Variants in FHAD1 observed in about 807,000 individuals in gnomAD.
The protein encoded by FHAD1 is forkhead-associated domain-containing protein 1.
Under a neutral mutation model 191.3 loss-of-function variants are expected in FHAD1, and 146 were observed. The ratio of observed to expected loss-of-function variants is 0.76; its 90% confidence interval spans 0.67 to 0.88. The LOEUF (loss-of-function observed/expected upper bound fraction) is 0.88, where lower values mean the gene tolerates loss of function less well. Ranked by LOEUF, FHAD1 falls within the 40% of genes least tolerant of loss-of-function variation. The pLI is 0.00. For missense variants in FHAD1, 1,635 were observed against 1,785.8 expected, an observed-to-expected ratio of 0.92 and a Z score of 1.52; for synonymous variants, 616 against 672.3, an observed-to-expected ratio of 0.92 and a Z score of 1.29.
intron 3 of FHAD1, among the ~76,000 whole-genome samples, chr1:15,279,871 A>C (rs1366020893): frequency 3.3e-5 from 5 of 152,076 alleles, no homozygotes; most frequent in Non-Finnish European, 7.4e-5. Context: ...CAGGAGATGG[A>C]TGCAATGTAG....
Position 15,308,741 on chromosome 1 carries a change from G to A in FHAD1, c.1039+5G>A, listed in dbSNP as rs1221010784. ...GAGACAACGCTATCACATCAGGTGA[G>A]CCCTTGGAGTCGGGCCTGGGAGCTG... On this transcript the variant is annotated splice_donor_5th_base_variant and intron_variant, in intron 7 of 33. Coordinates refer to ENST00000688493, the MANE Select transcript of FHAD1 (RefSeq NM_001391957.1). 19 of 1,551,536 alleles carry A rather than the reference G, an allele frequency of 1.2e-5. No homozygotes were observed. The highest frequency in any genetic ancestry group is 1.7e-5 in the Non-Finnish European group (19 of 1,146,950).
At chr1:15,342,403 G>T (rs1271841495) in intron 16 of FHAD1, among the ~76,000 whole-genome samples, 4 of 152,174 alleles carry the variant, frequency 2.6e-5, no homozygotes, top group Non-Finnish European at 5.9e-5. Context: ...TGCAGATTCT[G>T]TCTCAGCAGG....
intron 26 of FHAD1, among the ~76,000 whole-genome samples, chr1:15,371,619 C>A (rs1293564257): frequency 6.6e-6 from 1 of 152,186 alleles, no homozygotes; most frequent in Non-Finnish European, 1.5e-5. Context: ...CCCTGTGCCC[C>A]CAAAACTCAG....
intron 19 of FHAD1, among the ~76,000 whole-genome samples, chr1:15,351,204 G>A (rs1690729254): frequency 6.6e-6 from 1 of 152,132 alleles, no homozygotes; most frequent in African/African-American, 2.4e-5. Context: ...AATTAGCTGG[G>A]CCTGGTGGTG....
At chr1:15,301,535 A>G in intron 6 of FHAD1, 94 bp downstream of exon 6, 1 of 1,044,214 alleles carries the variant, frequency 9.6e-7, no homozygotes. Context: ...AGAGTTAGGG[A>G]ACGCGTGGTC....
intron 24 of FHAD1, among the ~76,000 whole-genome samples, chr1:15,366,177 T>G (rs1217082354): frequency 1.3e-5 from 2 of 148,204 alleles, no homozygotes; most frequent in African/African-American, 5.0e-5. Flanking sequence ...TCCCAGCTAC[T>G]CAGGAGGCTG....
chr1:15,393,700 T>A (rs1704986584), intron 33 of FHAD1, among the ~76,000 whole-genome samples: 1 of 149,906 alleles, frequency 6.7e-6, no homozygotes, highest in Non-Finnish European at 1.5e-5. Flanking sequence ...CTTCCCAGGC[T>A]CAAGTGATCC....
intron 10 of FHAD1, among the ~76,000 whole-genome samples, chr1:15,320,668 A>G (rs1372949639): frequency 1.3e-5 from 2 of 152,202 alleles, no homozygotes; most frequent in African/African-American, 4.8e-5. Flanking sequence ...TCCATCAGAT[A>G]CACTAGCTTT....
At chr1:15,354,296 T>G (rs1051795359) in intron 20 of FHAD1, among the ~76,000 whole-genome samples, 1 of 152,204 alleles carries the variant, frequency 6.6e-6, no homozygotes. Context: ...CAAGTGGCGC[T>G]GATGCACTTT....
intron 3 of FHAD1, among the ~76,000 whole-genome samples, chr1:15,288,184 A>G (rs1226875237): frequency 6.6e-6 from 1 of 152,228 alleles, no homozygotes; most frequent in Non-Finnish European, 1.5e-5. Context: ...CTCACTTCTA[A>G]CAGGAATAAG....
chr1:15,345,743 G>A (rs755866139), intron 18 of FHAD1: 6 of 579,268 alleles, frequency 1.0e-5, no homozygotes, highest in Admixed American at 9.0e-5. Flanking sequence ...TGTAAACAGT[G>A]TAAAACACAG....
chr1:15,299,224 A>AGG (rs567497597), intron 5 of FHAD1, among the ~76,000 whole-genome samples: 2,854 of 147,098 alleles, frequency 0.019, 35 homozygotes, highest in Non-Finnish European at 0.03. Flanking sequence ...AAAAGGAAAA[A>AGG]AAAAAAAAGA....
At chr1:15,293,975 T>C (rs1666013217) in intron 4 of FHAD1, among the ~76,000 whole-genome samples, 1 of 152,124 alleles carries the variant, frequency 6.6e-6, no homozygotes, top group Non-Finnish European at 1.5e-5. Flanking sequence ...GCGTCACCAC[T>C]GCAGCCTCCC....
intron 21 of FHAD1, among the ~76,000 whole-genome samples, chr1:15,359,790 A>G (rs1199392137): frequency 2.6e-5 from 4 of 151,526 alleles, no homozygotes; most frequent in Non-Finnish European, 1.5e-5. Context: ...CTCTACTAAA[A>G]ATGCAAGAAA....
intron 26 of FHAD1, among the ~76,000 whole-genome samples, chr1:15,371,149 C>G (rs971559494): frequency 6.6e-6 from 1 of 152,178 alleles, no homozygotes; most frequent in Non-Finnish European, 1.5e-5. Flanking sequence ...CAGGCTCTTA[C>G]AGCAGAACCT....
chr1:15,314,564 C>G (rs1437903506), intron 8 of FHAD1: 1 of 152,028 alleles, frequency 6.6e-6, no homozygotes, highest in African/African-American at 2.4e-5. Context: ...CGAGCAGGGT[C>G]ACCGCCTGGA....
intron 1 of FHAD1, among the ~76,000 whole-genome samples, chr1:15,249,864 T>G (rs1017790058): frequency 6.6e-6 from 1 of 152,126 alleles, no homozygotes; most frequent in African/African-American, 2.4e-5. Flanking sequence ...CTGAGGATTA[T>G]GTAGTGGTGA....
chr1:15,272,917 C>CCCA (rs1169957970), intron 3 of FHAD1, among the ~76,000 whole-genome samples: 1 of 152,186 alleles, frequency 6.6e-6, no homozygotes, highest in Non-Finnish European at 1.5e-5. Flanking sequence ...TCTTCATATG[C>CCCA]CCAGGTCTCT....
At chr1:15,389,196 A>G (rs1006771319) in intron 32 of FHAD1, among the ~76,000 whole-genome samples, 1 of 152,156 alleles carries the variant, frequency 6.6e-6, no homozygotes, top group Non-Finnish European at 1.5e-5. Context: ...CTGTAATCCC[A>G]GAATTTGGGG....
Sources: allele counts gnomAD v4.1 joint callset (sites outside exome capture counted in the v4.1 genomes callset), GRCh38; gene constraint gnomAD v4.1.1; transcripts MANE v1.5; gene names NCBI Gene and HGNC (gene_info 2026-07-23, HGNC 2026-07-21).